The following SOS2 variants were observed in gnomAD, a reference collection of about 807,000 sequenced individuals.
The protein encoded by SOS2 is SOS Ras/Rho guanine nucleotide exchange factor 2, also known as son of sevenless homolog 2.
A neutral mutation model predicts 148.2 loss-of-function variants in SOS2; 65 were observed. The observed-to-expected ratio is 0.44, with a 90% CI of 0.36 to 0.54. SOS2 has a LOEUF of 0.54. Ranked by LOEUF, SOS2 falls within the 20% of genes least tolerant of loss-of-function variation. SOS2 has a pLI of 0.00. For synonymous variants in SOS2, 539 were observed against 537.1 expected (o/e 1.00, Z -0.05); for missense variants, 1,341 against 1,590.2 (o/e 0.84, Z 2.67).
intron 8 of SOS2, among the ~76,000 whole-genome samples, chr14:50,166,367 C>T (rs553366297): frequency 6.6e-6 from 1 of 152,154 alleles, no homozygotes; most frequent in East Asian, 1.9e-4. Flanking sequence ...GTAGCTTGGA[C>T]TACAGGCATT....
intron 1 of SOS2, among the ~76,000 whole-genome samples, chr14:50,209,273 TCGTG>T (rs1349152221): frequency 4.7e-5 from 3 of 63,484 alleles, no homozygotes; most frequent in Admixed American, 1.4e-4. Flanking sequence ...TCCTTAAATG[TCGTG>T]TGTGTGTGTG....
chr14:50,192,115 G>A (rs757339014), intron 4 of SOS2, among the ~76,000 whole-genome samples: 26 of 135,164 alleles, frequency 1.9e-4, no homozygotes, highest in Admixed American at 6.4e-4. Flanking sequence ...TCACACCACC[G>A]TACTCCGGCT....
chr14:50,161,604 C>T lies in SOS2; in HGVS notation c.1074G>A (p.Leu358=). The T allele has an allele frequency of 6.2e-7, 1 of 1,609,758 alleles. No individual in the cohort carries two copies. The highest frequency in any genetic ancestry group is 8.5e-7 in the Non-Finnish European group (1 of 1,178,448). Residue 358 remains leucine (L), a synonymous_variant, in exon 9 of 23, where the codon TTG becomes TTA. Coordinates refer to ENST00000216373, the MANE Select transcript of SOS2 (RefSeq NM_006939.4). ...CWHYFELLKQ[L]KACSEEQEDR... is the part of the protein sequence containing the mutation. ...CTTCTTGTTCTTCACTACATGCTTTCAATTGCTAAGAAAAAACAGAAAGAA... is the reference window on the plus strand; with the variant it reads ...CTTCTTGTTCTTCACTACATGCTTTTAATTGCTAAGAAAAAACAGAAAGAA...
upstream of SOS2, among the ~76,000 whole-genome samples, chr14:50,231,844 C>G (rs374221338): frequency 2.8e-4 from 42 of 152,336 alleles, no homozygotes; most frequent in East Asian, 2.1e-3. Flanking sequence ...GCGCACAGCG[C>G]TGGCCGCCGT....
intron 12 of SOS2, chr14:50,155,963 A>G (rs1884801575): frequency 6.6e-6 from 1 of 152,186 alleles, no homozygotes; most frequent in African/African-American, 2.4e-5. Context: ...AATGACGTTA[A>G]AAGTTTTAGT....
chr14:50,160,331 A>AT (rs1884955579), intron 9 of SOS2, among the ~76,000 whole-genome samples: 1 of 146,474 alleles, frequency 6.8e-6, no homozygotes, highest in African/African-American at 2.5e-5. Flanking sequence ...CATAGATTAT[A>AT]TTTTTAAACA....
chr14:50,121,085 G>A (rs372484257), intron 21 of SOS2, among the ~76,000 whole-genome samples: 80 of 151,908 alleles, frequency 5.3e-4, no homozygotes, highest in African/African-American at 1.8e-3. Flanking sequence ...TCACCACACA[G>A]GTAATAAAAC....
intron 7 of SOS2, 40 bp downstream of exon 7, chr14:50,180,532 T>TAAAAAAAAAAAAA (rs748956316): frequency 4.3e-6 from 2 of 466,662 alleles, no homozygotes; most frequent in Non-Finnish European, 6.5e-6. Context: ...ATTTGCTTTA[T>TAAAAAAAAAAAAA]TAAAAAAAAA....
rs933544183 is a variant in SOS2 at position 50,134,215 on chromosome 14, T to C, written c.2983A>G (p.Met995Val). 3 of 1,591,850 alleles carry C rather than the reference T, an allele frequency of 1.9e-6. No individual in the cohort carries two copies. The highest frequency in any genetic ancestry group is 1.3e-5 in the African/African-American group (1 of 74,552). ...MRRFFENLNP[M>V]GSASEKEFTD... Reference sequence around the variant, plus strand: ...AACTCTTTTTCAGATGCACTTCCCATGGGGTTAAGGTTTTCAAAGAATCTC... The same window carrying C: ...AACTCTTTTTCAGATGCACTTCCCACGGGGTTAAGGTTTTCAAAGAATCTC... The change falls in exon 19 of 23, where the codon ATG becomes GTG. Residue 995 changes from methionine to valine, a missense_variant. This residue lies in a region of SOS2 where 408 missense variants were observed against 506.6 expected (regional missense o/e 0.81). Coordinates refer to ENST00000216373, the MANE Select transcript of SOS2 (RefSeq NM_006939.4).
At chr14:50,123,609 C>T (rs991447193) in intron 21 of SOS2, among the ~76,000 whole-genome samples, 5 of 151,990 alleles carry the variant, frequency 3.3e-5, no homozygotes, top group African/African-American at 9.7e-5. Flanking sequence ...TCTCCAACTC[C>T]TGACCTCAGG....
At position 50,195,462 on chromosome 14, in the gene SOS2, TA is replaced by T. The variant is rs778370502; in HGVS notation, c.510+4228del. Among the ~76,000 whole-genome samples the T allele has an allele frequency of 1.3e-4, 19 of 151,290 alleles. 1 individual carries two copies. The highest frequency in any genetic ancestry group is 3.9e-4 in the East Asian group (2 of 5,180). On this transcript the variant is annotated intron_variant, in intron 4 of 22. Transcript: ENST00000216373. ...TGCTTCAAATAAAGGAATGACTTAT[TA>T]AAAAAAAATAGTTTATGGCCTGGTG...
At position 50,204,408 on chromosome 14, in the gene SOS2, A is replaced by G; in HGVS notation, c.89T>C (p.Val30Ala). The change falls in exon 2 of 23, where the codon GTT (valine) becomes GCT (alanine). Residue 30 changes from valine to alanine, a missense_variant and splice_region_variant. Transcript: ENST00000216373. ...GAGAGTGGGATGCACTTGTTCCTGAACCTTTAAAAAAAAGTTATCAGTTAA... is the reference window on the plus strand; with the variant it reads ...GAGAGTGGGATGCACTTGTTCCTGAGCCTTTAAAAAAAAGTTATCAGTTAA... Reference protein sequence around the residue: ...RGLLVSALRKVQEQVHPTLSA... With the variant: ...RGLLVSALRKAQEQVHPTLSA... 1 of 1,561,106 alleles carries G rather than the reference A, an allele frequency of 6.4e-7. No homozygotes were observed. Among genetic ancestry groups the G allele is most frequent in the Non-Finnish European group, 8.7e-7 (1 of 1,149,246 alleles).
chr14:50,132,365 A>AG (rs1883905918), intron 19 of SOS2, among the ~76,000 whole-genome samples: 1 of 149,286 alleles, frequency 6.7e-6, no homozygotes, highest in Non-Finnish European at 1.5e-5. Flanking sequence ...AAAAAAAAAA[A>AG]AAAAAAAAAA....
chr14:50,118,796 G>C lies in SOS2; in HGVS notation c.3547C>G (p.Pro1183Ala). Residue 1183 changes from proline (P) to alanine (A), a missense_variant, in exon 23 of 23, where the codon CCA (proline) becomes GCA (alanine). Physicochemically the swap from Pro to Ala is conservative, Grantham distance 27. Transcript: ENST00000216373. The part of the protein sequence containing the change: ...PAIPPRQPPP[P>A]KVKPRVPVPT... ...ACAGGAACTCTGGGTTTTACCTTTGGAGGAGGAGGCTGTCTCGGTGGAATA... is the reference window on the plus strand; with the variant it reads ...ACAGGAACTCTGGGTTTTACCTTTGCAGGAGGAGGCTGTCTCGGTGGAATA... The C allele has an allele frequency of 6.4e-7, 1 of 1,566,578 alleles. No homozygotes were observed.
chr14:50,133,701 G>C (rs1463957592), intron 19 of SOS2, among the ~76,000 whole-genome samples: 1 of 152,144 alleles, frequency 6.6e-6, no homozygotes, highest in East Asian at 1.9e-4. Context: ...GGAAATTGTA[G>C]CATCAAATTC....
At chr14:50,200,838 A>C in intron 3 of SOS2, 115 bp downstream of exon 3, 2 of 804,224 alleles carry the variant, frequency 2.5e-6, no homozygotes, top group Non-Finnish European at 4.0e-6. Flanking sequence ...TACATATGGA[A>C]GTGCACATAT....
chr14:50,159,983 C>A lies in SOS2; in HGVS notation c.1300G>T (p.Asp434Tyr). 2.5e-6 allele frequency: 4 copies of A among 1,614,110 alleles called. No homozygotes were observed. In the South Asian group the frequency reaches 3.3e-5, roughly 13 times the overall value. ...QKNIDGWEGK[D>Y]IGQCCNEFIM... is the part of the protein sequence containing the mutation. ...AATTCATTACAACACTGTCCAATAT[C>A]TTTGCCTTCCCATCCATCGATATTT... is the stretch of plus-strand genomic sequence containing the variant. Residue 434 changes from aspartate to tyrosine, a missense_variant, in exon 10 of 23, where the codon GAT becomes TAT. Asp to Tyr is a radical substitution (Grantham distance 160). Transcript: ENST00000216373.
chr14:50,129,256 A>T (rs1409736476), intron 21 of SOS2, among the ~76,000 whole-genome samples: 1 of 152,182 alleles, frequency 6.6e-6, no homozygotes, highest in Non-Finnish European at 1.5e-5. Flanking sequence ...GGAACCTGAT[A>T]AACATTTACT....
At chr14:50,165,459 T>A in intron 8 of SOS2, among the ~76,000 whole-genome samples, 1 of 152,092 alleles carries the variant, frequency 6.6e-6, no homozygotes, top group Middle Eastern at 3.2e-3. Context: ...CCCAAAACCA[T>A]TATGTATTTT....
Sources: allele counts gnomAD v4.1 joint callset (sites outside exome capture counted in the v4.1 genomes callset), GRCh38; gene constraint gnomAD v4.1.1; regional missense constraint gnomAD v4.1.1; transcripts MANE v1.5; gene names NCBI Gene and HGNC (gene_info 2026-07-23, HGNC 2026-07-21).